Variants in SPMIP7 observed in about 807,000 individuals in gnomAD.
SPMIP7 encodes protein SPMIP7.
the SPMIP7 span, among the ~76,000 whole-genome samples, chr7:50,118,316 A>G: frequency 5.9e-5 from 9 of 152,264 alleles, no homozygotes; most frequent in Admixed American, 4.6e-4. Flanking sequence ...TCTACAACTC[A>G]TCATGTAACA....
chr7:50,107,176 C>A, the SPMIP7 span, among the ~76,000 whole-genome samples: 1 of 151,614 alleles, frequency 6.6e-6, no homozygotes, highest in Non-Finnish European at 1.5e-5. Flanking sequence ...GCCAACATGG[C>A]AAAACCCCAT....
At chr7:50,152,428 A>G in the SPMIP7 span, among the ~76,000 whole-genome samples, 1 of 152,214 alleles carries the variant, frequency 6.6e-6, no homozygotes, top group African/African-American at 2.4e-5. Flanking sequence ...GAGAAGGAGC[A>G]CATGGTTACT....
chr7:50,110,207 A>G, the SPMIP7 span, among the ~76,000 whole-genome samples: 1 of 151,666 alleles, frequency 6.6e-6, no homozygotes, highest in Non-Finnish European at 1.5e-5. Context: ...CAAAATACAG[A>G]AGAATTTAAA....
At chr7:50,135,914 A>G in the SPMIP7 span, among the ~76,000 whole-genome samples, 1 of 152,202 alleles carries the variant, frequency 6.6e-6, no homozygotes, top group African/African-American at 2.4e-5. Context: ...CTGAGATCAG[A>G]TCAAAGACCA....
the SPMIP7 span, among the ~76,000 whole-genome samples, chr7:50,145,894 T>C: frequency 1.3e-5 from 2 of 151,550 alleles, no homozygotes; most frequent in East Asian, 3.9e-4. Flanking sequence ...ATCTTTTATC[T>C]AAGGACGTTA....
chr7:50,106,639 A>C, the SPMIP7 span, among the ~76,000 whole-genome samples: 1 of 152,210 alleles, frequency 6.6e-6, no homozygotes, highest in Non-Finnish European at 1.5e-5. Context: ...AACATATCCA[A>C]ATACATAAGG....
At chr7:50,099,881 C>T in the SPMIP7 span, among the ~76,000 whole-genome samples, 8 of 152,082 alleles carry the variant, frequency 5.3e-5, no homozygotes, top group Non-Finnish European at 1.0e-4. Flanking sequence ...CTCCATCTTC[C>T]CCCAGGGGGT....
At chr7:50,159,131 C>G in the SPMIP7 span, 2 of 1,551,712 alleles carry the variant, frequency 1.3e-6, no homozygotes, top group Non-Finnish European at 1.7e-6. Context: ...ACCCTACAAC[C>G]CTTTCAACAA....
chr7:50,125,422 A>G, the SPMIP7 span, among the ~76,000 whole-genome samples: 1 of 148,630 alleles, frequency 6.7e-6, no homozygotes, highest in African/African-American at 2.5e-5. Context: ...AGAAACTAGA[A>G]AAATGATTAA....
the SPMIP7 span, chr7:50,141,440 T>C: frequency 6.3e-6 from 7 of 1,111,754 alleles, no homozygotes; most frequent in Non-Finnish European, 6.7e-6. Flanking sequence ...GGATGAAACA[T>C]GATGATGGAC....
chr7:50,099,129 G>A, the SPMIP7 span, among the ~76,000 whole-genome samples: 6 of 152,030 alleles, frequency 3.9e-5, no homozygotes, highest in South Asian at 2.1e-4. Context: ...TTCACTTACC[G>A]TAATGTCCTT....
the SPMIP7 span, among the ~76,000 whole-genome samples, chr7:50,133,164 T>G: frequency 4.8e-3 from 728 of 152,242 alleles, 2 homozygotes; most frequent in African/African-American, 0.017. Flanking sequence ...GATTTCACTG[T>G]GTCTGTCATA....
chr7:50,110,905 T>A, the SPMIP7 span, among the ~76,000 whole-genome samples: 1 of 129,116 alleles, frequency 7.7e-6, no homozygotes, highest in African/African-American at 3.1e-5. Context: ...TATATGATTA[T>A]ATATAAAAAG....
the SPMIP7 span, among the ~76,000 whole-genome samples, chr7:50,097,377 G>A: frequency 2.6e-5 from 4 of 152,182 alleles, no homozygotes; most frequent in Non-Finnish European, 5.9e-5. Flanking sequence ...AGAAATTATA[G>A]GTTGAAGAAA....
At chr7:50,137,686 T>TA in the SPMIP7 span, among the ~76,000 whole-genome samples, 911 of 151,746 alleles carry the variant, frequency 6.0e-3, 32 homozygotes, top group South Asian at 0.091. Context: ...AATTTTCAGA[T>TA]AAAAAAAAAT....
At chr7:50,106,081 G>A in the SPMIP7 span, among the ~76,000 whole-genome samples, 7 of 152,310 alleles carry the variant, frequency 4.6e-5, no homozygotes, top group African/African-American at 1.7e-4. Context: ...AATAAATCTA[G>A]ATATTATTTC....
the SPMIP7 span, among the ~76,000 whole-genome samples, chr7:50,137,945 CT>C: frequency 6.6e-6 from 1 of 152,038 alleles, no homozygotes; most frequent in Non-Finnish European, 1.5e-5. Context: ...TAGTCTGTGA[CT>C]TTTTTATTTT....
the SPMIP7 span, among the ~76,000 whole-genome samples, chr7:50,107,715 G>C: frequency 6.6e-6 from 1 of 152,264 alleles, no homozygotes; most frequent in Admixed American, 6.5e-5. Flanking sequence ...TATATCCACT[G>C]CGTGTTTATT....
the SPMIP7 span, among the ~76,000 whole-genome samples, chr7:50,127,511 A>G: frequency 6.6e-6 from 1 of 151,428 alleles, no homozygotes; most frequent in Non-Finnish European, 1.5e-5. Context: ...CAAAGGATTA[A>G]TAACCAGAAT....
Sources: allele counts gnomAD v4.1 joint callset (sites outside exome capture counted in the v4.1 genomes callset), GRCh38; gene constraint gnomAD v4.1.1; transcripts MANE v1.5; gene names NCBI Gene and HGNC (gene_info 2026-07-23, HGNC 2026-07-21).